CNTN4: variants seen among roughly 807,000 people sequenced by gnomAD.
CNTN4 encodes the protein contactin 4, also known as contactin-4.
Under a neutral mutation model 122.5 loss-of-function variants are expected in CNTN4, and 77 were observed. That is an observed-to-expected ratio of 0.63 (90% CI 0.52 to 0.76). CNTN4 has a LOEUF of 0.76. Among genes scored for constraint, CNTN4 ranks in the 30% least tolerant of loss-of-function variants. The pLI, the probability that CNTN4 is intolerant of heterozygous loss-of-function variation, is 0.00. For synonymous variants in CNTN4, 512 were observed against 447.0 expected, an observed-to-expected ratio of 1.15 and a Z score of -1.83; for missense variants, 1,256 against 1,259.1, an observed-to-expected ratio of 1.00 and a Z score of 0.04.
At chr3:2,728,914 A>G (rs1425148285) in intron 4 of CNTN4, among the ~76,000 whole-genome samples, 1 of 152,204 alleles carries the variant, frequency 6.6e-6, no homozygotes, top group Admixed American at 6.5e-5. Context: ...TTGACTGTAT[A>G]TCACAGTGCT....
chr3:2,388,875 A>C (rs1338217249), intron 3 of CNTN4, among the ~76,000 whole-genome samples: 1 of 150,222 alleles, frequency 6.7e-6, no homozygotes, highest in Non-Finnish European at 1.5e-5. Flanking sequence ...AACGAAAACC[A>C]GGCCAGGCGC....
intron 13 of CNTN4, among the ~76,000 whole-genome samples, chr3:2,957,394 C>T (rs1290591600): frequency 6.6e-6 from 1 of 152,034 alleles, no homozygotes; most frequent in Non-Finnish European, 1.5e-5. Context: ...ATTAGTGATA[C>T]TGAGCACCTT....
At chr3:2,414,282 G>A (rs2047333934) in intron 3 of CNTN4, among the ~76,000 whole-genome samples, 1 of 152,104 alleles carries the variant, frequency 6.6e-6, no homozygotes, top group Non-Finnish European at 1.5e-5. Context: ...TAAATTTTAG[G>A]TATTAATTTG....
intron 13 of CNTN4, among the ~76,000 whole-genome samples, chr3:2,968,174 C>T (rs752066801): frequency 6.6e-6 from 1 of 152,120 alleles, no homozygotes; most frequent in Non-Finnish European, 1.5e-5. Context: ...TGGGCATGAC[C>T]ATATTTCTCC....
intron 3 of CNTN4, among the ~76,000 whole-genome samples, chr3:2,541,035 TG>T (rs1389996313): frequency 6.6e-6 from 1 of 152,154 alleles, no homozygotes; most frequent in Non-Finnish European, 1.5e-5. Flanking sequence ...ATTACATAGC[TG>T]GAACTTATAC....
At chr3:3,013,939 C>G (rs773554118) in intron 14 of CNTN4, among the ~76,000 whole-genome samples, 4 of 152,046 alleles carry the variant, frequency 2.6e-5, no homozygotes, top group Non-Finnish European at 4.4e-5. Context: ...TCTTGCCTCA[C>G]TATCTTTCCT....
At chr3:2,591,513 C>A (rs542840771) in intron 4 of CNTN4, among the ~76,000 whole-genome samples, 1 of 88,608 alleles carries the variant, frequency 1.1e-5, no homozygotes, top group Admixed American at 1.1e-4. Context: ...TACAGGCGCC[C>A]GCCACTACGC....
intron 2 of CNTN4, among the ~76,000 whole-genome samples, chr3:2,304,749 A>G (rs2042643088): frequency 6.6e-6 from 1 of 151,048 alleles, no homozygotes; most frequent in Non-Finnish European, 1.5e-5. Flanking sequence ...TCTAAGCCAC[A>G]TACATTACAA....
rs1365812794 is a variant in CNTN4, at chr3:3,004,830, A to G, written c.1486+16358A>G. On this transcript the variant is annotated intron_variant, in intron 14 of 24. Transcript: ENST00000418658. ...ATGCCATTGTGTACTTGGCTTCACAATAAAGCCTTTCAGACCCACTGGGGC... is the reference window on the plus strand; with the variant it reads ...ATGCCATTGTGTACTTGGCTTCACAGTAAAGCCTTTCAGACCCACTGGGGC... 3.9e-5 allele frequency among the ~76,000 whole-genome samples: 6 copies of G among 152,234 alleles called. No individual in the cohort carries two copies. In the South Asian group the frequency reaches 6.2e-4, roughly 16 times the overall value.
In CNTN4 at chr3:2,767,738, G is replaced by C. The variant is rs139005981; in HGVS notation, c.358+22041G>C. On this transcript the variant is annotated intron_variant, in intron 6 of 24. Transcript: ENST00000418658. ...GATTTTCTCTATGATCACGTCTTAC[G>C]ATAATAAGAAGCAAAGTCTCTAATG... Among the ~76,000 whole-genome samples, 15 of 152,234 alleles carry C rather than the reference G, an allele frequency of 9.9e-5. No individual in the cohort carries two copies. The East Asian group carries it at 1.7e-3, about 18-fold the overall frequency.
chr3:2,430,371 A>G (rs2648686), intron 3 of CNTN4, among the ~76,000 whole-genome samples: 1 of 149,716 alleles, frequency 6.7e-6, no homozygotes, highest in African/African-American at 2.5e-5. Flanking sequence ...GCAGTGAGCC[A>G]AGATTGGGCC....
intron 4 of CNTN4, among the ~76,000 whole-genome samples, chr3:2,649,335 G>C (rs1033441746): frequency 1.3e-5 from 2 of 152,178 alleles, no homozygotes; most frequent in African/African-American, 4.8e-5. Flanking sequence ...AAACTTCAAA[G>C]GACGGGCTTA....
At chr3:2,950,539 C>T (rs1328654967) in intron 13 of CNTN4, among the ~76,000 whole-genome samples, 1 of 152,160 alleles carries the variant, frequency 6.6e-6, no homozygotes, top group Non-Finnish European at 1.5e-5. Context: ...TACCTCTGTG[C>T]ATGACATGTG....
At chr3:2,745,390 C>G (rs1204928869) in intron 5 of CNTN4, 132 bp from the exon 6 acceptor site, 8 of 775,518 alleles carry the variant, frequency 1.0e-5, no homozygotes, top group Non-Finnish European at 1.7e-5. Context: ...GCATTTCTAA[C>G]TTCTTAATCA....
At chr3:2,797,413 C>A (rs1209761313) in intron 6 of CNTN4, among the ~76,000 whole-genome samples, 1 of 152,182 alleles carries the variant, frequency 6.6e-6, no homozygotes, top group Non-Finnish European at 1.5e-5. Flanking sequence ...ACCTGGCCAA[C>A]ATGATGAAAC....
At chr3:2,785,098 C>T (rs1365235581) in intron 6 of CNTN4, among the ~76,000 whole-genome samples, 4 of 149,096 alleles carry the variant, frequency 2.7e-5, no homozygotes, top group Admixed American at 1.4e-4. Context: ...TATATAAGTA[C>T]ACATTTGTAC....
chr3:2,406,582 T>G (rs2047045524), intron 3 of CNTN4, among the ~76,000 whole-genome samples: 1 of 152,198 alleles, frequency 6.6e-6, no homozygotes, highest in African/African-American at 2.4e-5. Context: ...GGGAATTCTC[T>G]GTACTATTTT....
intron 3 of CNTN4, among the ~76,000 whole-genome samples, chr3:2,369,976 C>A (rs2045572522): frequency 6.6e-6 from 1 of 152,004 alleles, no homozygotes; most frequent in Non-Finnish European, 1.5e-5. Flanking sequence ...CTGTTTTTAC[C>A]ATTAATTTTC....
intron 23 of CNTN4, among the ~76,000 whole-genome samples, chr3:3,045,878 G>GA (rs1005132844): frequency 1.3e-5 from 2 of 152,068 alleles, no homozygotes; most frequent in African/African-American, 2.4e-5. Flanking sequence ...TGAAAACCTT[G>GA]AAAAAAGGTT....
Sources: allele counts gnomAD v4.1 joint callset (sites outside exome capture counted in the v4.1 genomes callset), GRCh38; gene constraint gnomAD v4.1.1; transcripts MANE v1.5; gene names NCBI Gene and HGNC (gene_info 2026-07-23, HGNC 2026-07-21).